Variants in UGP2 observed in about 807,000 individuals in gnomAD.
UGP2 encodes the protein UDP-glucose pyrophosphorylase 2.
UGP2 carries 40 observed loss-of-function variants against 49.0 expected under a neutral mutation model. The observed-to-expected ratio is 0.82, with a 90% confidence interval of 0.63 to 1.06. UGP2 has a LOEUF of 1.06. Ranked by LOEUF, UGP2 falls within the 50% of genes least tolerant of loss-of-function variation. The pLI is 0.00. For synonymous variants in UGP2, 225 were observed against 213.0 expected (o/e 1.06, Z -0.49); for missense variants, 460 against 603.5 (o/e 0.76, Z 2.49).
Position 63,885,714 on chromosome 2 carries a change from G to A in UGP2, c.701G>A (p.Gly234Glu). 1 of 1,613,856 alleles carries A rather than the reference G, an allele frequency of 6.2e-7. No homozygotes were observed. The highest frequency in any genetic ancestry group is 8.5e-7 in the Non-Finnish European group (1 of 1,179,918). The change falls in exon 6 of 10, where the codon GGA becomes GAA. Residue 234 changes from glycine (G) to glutamate (E), a missense_variant. Transcript: ENST00000337130. ...ATTTACGCCAGTTTCTACAACTCTG[G>A]ATTGCTTGATACCTTTATAGGAGAA... ...GDIYASFYNS[G>E]LLDTFIGEGK... is the part of the protein sequence containing the mutation.
chr2:63,890,230 T>C, intron 9 of UGP2, 45 bp downstream of exon 9: 1 of 1,402,810 alleles, frequency 7.1e-7, no homozygotes, highest in African/African-American at 1.4e-5. Context: ...GCTTACAATA[T>C]AGGTCTCATT....
At chr2:63,876,579 T>TA (rs1235286677) in intron 3 of UGP2, among the ~76,000 whole-genome samples, 3 of 152,238 alleles carry the variant, frequency 2.0e-5, no homozygotes, top group Non-Finnish European at 2.9e-5. Context: ...TAGCTGCTTT[T>TA]AAGGGTTAGA....
chr2:63,858,778 A>G (rs1445482500), intron 3 of UGP2, among the ~76,000 whole-genome samples: 3 of 152,006 alleles, frequency 2.0e-5, no homozygotes, highest in East Asian at 3.8e-4. Flanking sequence ...CTGGATAGGT[A>G]TGTTGTTTAA....
Position 63,861,248 on chromosome 2 carries a change from G to A in UGP2, c.255+3312G>A, listed in dbSNP as rs547460031. ...ATGTAGCTTATTTGACCATTTCATTGTTTTCCAGAGAGGTTATGAGAGTGT... is the reference window on the plus strand; with the variant it reads ...ATGTAGCTTATTTGACCATTTCATTATTTTCCAGAGAGGTTATGAGAGTGT... On this transcript the variant is annotated intron_variant, in intron 3 of 9. Transcript: ENST00000337130. 2.5e-3 allele frequency among the ~76,000 whole-genome samples: 373 copies of A among 151,582 alleles called. 3 individuals are homozygous for A. The highest frequency in any genetic ancestry group is 0.02 in the Middle Eastern group (6 of 294).
chr2:63,881,884 G>A (rs553352051), intron 3 of UGP2, among the ~76,000 whole-genome samples: 2 of 152,308 alleles, frequency 1.3e-5, no homozygotes, highest in South Asian at 2.1e-4. Flanking sequence ...TCTTGAGGAA[G>A]GAATTCTGTC....
At chr2:63,883,082 C>T (rs912719291) in intron 4 of UGP2, among the ~76,000 whole-genome samples, 1 of 152,176 alleles carries the variant, frequency 6.6e-6, no homozygotes, top group African/African-American at 2.4e-5. Flanking sequence ...AATCGTACAC[C>T]ATAAGCTCTT....
intron 3 of UGP2, among the ~76,000 whole-genome samples, chr2:63,865,480 A>G: frequency 6.6e-6 from 1 of 151,588 alleles, no homozygotes; most frequent in South Asian, 2.1e-4. Flanking sequence ...ACAGGCTTCT[A>G]CCTAGAGAGA....
chr2:63,856,538 A>G, intron 2 of UGP2, 105 bp downstream of exon 2: 1 of 1,320,422 alleles, frequency 7.6e-7, no homozygotes, highest in Non-Finnish European at 1.0e-6. Context: ...AAATCAGCAC[A>G]AGATGTACGA....
rs371382829 is a variant in UGP2, at chr2:63,857,902, A to C, written c.221A>C (p.Asp74Ala). The C allele has an allele frequency of 4.3e-6, 7 of 1,613,958 alleles. No homozygotes were observed. The African/African-American group carries it at 9.3e-5, about 22-fold the overall frequency. The change falls in exon 3 of 10, where the codon GAT (aspartate) becomes GCT (alanine). Residue 74 changes from aspartate to alanine, a missense_variant. Coordinates refer to ENST00000337130, the MANE Select transcript of UGP2 (RefSeq NM_006759.4). ...RFLQEKGPSV[D>A]WGKIQRPPED... The stretch of plus-strand genomic sequence containing the variant: ...TTGCAAGAAAAGGGGCCTTCTGTGG[A>C]TTGGGGAAAAATCCAGAGACCCCCT...
intron 3 of UGP2, among the ~76,000 whole-genome samples, chr2:63,864,161 G>C (rs1670024890): frequency 6.6e-6 from 1 of 152,168 alleles, no homozygotes. Context: ...GTCAGGCTTT[G>C]TGCTGAATCC....
rs753231571 is a variant in UGP2 at position 63,886,382 on chromosome 2, G to A, written c.915G>A (p.Val305=). Residue 305 remains valine, a synonymous_variant, in exon 7 of 10, where the codon GTG becomes GTA. Coordinates refer to ENST00000337130, the MANE Select transcript of UGP2 (RefSeq NM_006759.4). ...LTQYEGKLRL[V]EIAQVPKAHV... The stretch of plus-strand genomic sequence containing the variant: ...AATATGAAGGCAAACTGAGACTGGT[G>A]GAAATTGCTCAAGTGCCAAAAGCAC... 5 of 1,614,062 alleles carry A rather than the reference G, an allele frequency of 3.1e-6. No individual in the cohort carries two copies. In the South Asian group the frequency reaches 4.4e-5, roughly 14 times the overall value.
At chr2:63,887,264 CAAA>C (rs371097150) in intron 7 of UGP2, 135 bp from the exon 8 acceptor site, 55 of 861,774 alleles carry the variant, frequency 6.4e-5, no homozygotes, top group South Asian at 1.1e-4. Context: ...GACTCCTTCT[CAAA>C]AAAAAAAAAA....
At chr2:63,881,497 A>C (rs1671310270) in intron 3 of UGP2, among the ~76,000 whole-genome samples, 1 of 152,222 alleles carries the variant, frequency 6.6e-6, no homozygotes, top group Non-Finnish European at 1.5e-5. Context: ...CTGAAGAGTC[A>C]ATTTGAGGAC....
intron 1 of UGP2, chr2:63,846,031 C>T (rs1253555903): frequency 6.6e-6 from 1 of 152,202 alleles, no homozygotes; most frequent in Non-Finnish European, 1.5e-5. Context: ...CATTCCTTCT[C>T]TTAGGAAGAC....
At chr2:63,886,180 A>G (rs1441998857) in intron 6 of UGP2, among the ~76,000 whole-genome samples, 161 bp from the exon 7 acceptor site, 3 of 152,200 alleles carry the variant, frequency 2.0e-5, no homozygotes, top group Non-Finnish European at 4.4e-5. Flanking sequence ...ATACTCTTCT[A>G]GTTTGGCATT....
chr2:63,842,018 T>G lies in UGP2; in HGVS notation c.-168T>G, dbSNP rs1349136776. On this transcript the variant is annotated 5_prime_UTR_variant, in exon 1 of 10. Coordinates refer to ENST00000337130, the MANE Select transcript of UGP2 (RefSeq NM_006759.4). The stretch of plus-strand genomic sequence containing the variant: ...GTTTCTTTCTTTCTTTTCTTTTTTC[T>G]TGAGCCAGTTTTAATCGCTTTGAAT... The G allele has an allele frequency of 1.3e-6, 1 of 742,336 alleles. No homozygotes were observed. The highest frequency in any genetic ancestry group is 1.9e-6 in the Non-Finnish European group (1 of 514,480). 46.0% of individuals were successfully genotyped at this position (742,336 alleles called of 1,614,324 possible).
chr2:63,890,449 A>C (rs1672034578), intron 9 of UGP2, among the ~76,000 whole-genome samples: 1 of 152,210 alleles, frequency 6.6e-6, no homozygotes, highest in Non-Finnish European at 1.5e-5. Context: ...TCACTGTAAG[A>C]ATATTCATTT....
chr2:63,876,603 G>A (rs544106537), intron 3 of UGP2, among the ~76,000 whole-genome samples: 2 of 152,220 alleles, frequency 1.3e-5, no homozygotes, highest in Non-Finnish European at 2.9e-5. Context: ...AGCAAGACAA[G>A]AAGGTATTAT....
At chr2:63,867,066 G>C (rs180782231) in intron 3 of UGP2, among the ~76,000 whole-genome samples, 1 of 152,142 alleles carries the variant, frequency 6.6e-6, no homozygotes, top group Admixed American at 6.5e-5. Flanking sequence ...GTTGTTTATT[G>C]TGTGAATTTT....
Sources: allele counts gnomAD v4.1 joint callset (sites outside exome capture counted in the v4.1 genomes callset), GRCh38; gene constraint gnomAD v4.1.1; transcripts MANE v1.5; gene names NCBI Gene and HGNC (gene_info 2026-07-23, HGNC 2026-07-21).